PPFIA2: variants seen among roughly 807,000 people sequenced by gnomAD.
The protein encoded by PPFIA2 is PPFI scaffold protein A2.
PPFIA2 carries 46 observed loss-of-function variants against 175.5 expected under a neutral mutation model. The observed-to-expected ratio is 0.26, with a 90% CI of 0.21 to 0.34. The LOEUF is 0.34. PPFIA2 is among the 10% of genes least tolerant of loss of function. The pLI, the probability that PPFIA2 is intolerant of heterozygous loss-of-function variation, is 1.00. For synonymous variants in PPFIA2, 568 were observed against 511.4 expected, an observed-to-expected ratio of 1.11 and a Z score of -1.49; for missense variants, 1,179 against 1,506.1, an observed-to-expected ratio of 0.78 and a Z score of 3.60.
rs566444395 is a variant in PPFIA2, at chr12:81,475,226, G to A, written c.304-17360C>T. ...GTTATTTTGCCAGCTCCTTACATAGGGCCTGAAATAGAGACTGTGTATTTG... is the reference window on the plus strand; with the variant it reads ...GTTATTTTGCCAGCTCCTTACATAGAGCCTGAAATAGAGACTGTGTATTTG... On this transcript the variant is annotated intron_variant, in intron 4 of 32. Coordinates refer to ENST00000549396, the MANE Select transcript of PPFIA2 (RefSeq NM_003625.5). Among the ~76,000 whole-genome samples, 3 of 152,020 alleles carry A rather than the reference G, an allele frequency of 2.0e-5. No individual in the cohort carries two copies. The South Asian group carries it at 6.2e-4, about 32-fold the overall frequency.
intron 4 of PPFIA2, among the ~76,000 whole-genome samples, chr12:81,585,012 T>G (rs2075073126): frequency 1.3e-5 from 1 of 76,452 alleles, no homozygotes; most frequent in African/African-American, 5.0e-5. Context: ...TTAATTATAT[T>G]TATATATAAT....
At chr12:81,641,397 T>A (rs2153515527) in intron 4 of PPFIA2, among the ~76,000 whole-genome samples, 1 of 152,246 alleles carries the variant, frequency 6.6e-6, no homozygotes, top group East Asian at 1.9e-4. Context: ...GTGACCACAG[T>A]TCTTTACTGA....
At chr12:81,598,115 C>A in intron 4 of PPFIA2, 1 of 1,523,166 alleles carries the variant, frequency 6.6e-7, no homozygotes, top group Non-Finnish European at 8.8e-7. Context: ...TCCGTGCATG[C>A]ATTGAGGGAG....
chr12:81,415,819 T>C (rs565178809), intron 7 of PPFIA2, among the ~76,000 whole-genome samples: 82 of 151,386 alleles, frequency 5.4e-4, no homozygotes, highest in Non-Finnish European at 9.3e-4. Flanking sequence ...ATTTTGACAA[T>C]AGCTATACTT....
chr12:81,617,843 T>G (rs1191851736), intron 4 of PPFIA2, among the ~76,000 whole-genome samples: 1 of 152,222 alleles, frequency 6.6e-6, no homozygotes, highest in Non-Finnish European at 1.5e-5. Context: ...AATATTCTTC[T>G]GTGTAGAGTT....
chr12:81,478,328 GTCTA>G (rs776119659), intron 4 of PPFIA2, among the ~76,000 whole-genome samples: 19 of 152,046 alleles, frequency 1.2e-4, no homozygotes, highest in Non-Finnish European at 2.1e-4. Context: ...CTGGCTAGCA[GTCTA>G]TCTATTTTGT....
At chr12:81,554,270 T>C (rs188859314) in intron 4 of PPFIA2, among the ~76,000 whole-genome samples, 86 of 152,092 alleles carry the variant, frequency 5.7e-4, no homozygotes, top group African/African-American at 1.9e-3. Context: ...TTTTAGGTAC[T>C]TAATTAGTAA....
intron 22 of PPFIA2, among the ~76,000 whole-genome samples, chr12:81,323,755 C>G (rs1368474965): frequency 6.6e-6 from 1 of 151,960 alleles, no homozygotes; most frequent in Admixed American, 6.6e-5. Context: ...ATGAAGACAA[C>G]TTACTCTCTG....
intron 4 of PPFIA2, among the ~76,000 whole-genome samples, chr12:81,536,325 T>G (rs186123513): frequency 1.1e-4 from 17 of 151,782 alleles, no homozygotes; most frequent in Non-Finnish European, 1.8e-4. Context: ...CATAAATACT[T>G]AATATTACAT....
chr12:81,487,608 C>T (rs1220329608), intron 4 of PPFIA2, among the ~76,000 whole-genome samples: 3 of 151,716 alleles, frequency 2.0e-5, no homozygotes, highest in Non-Finnish European at 4.4e-5. Context: ...TCTATAGGTA[C>T]CGATATTGCC....
intron 7 of PPFIA2, among the ~76,000 whole-genome samples, chr12:81,433,184 A>C (rs1218644660): frequency 6.6e-6 from 1 of 152,078 alleles, no homozygotes; most frequent in African/African-American, 2.4e-5. Context: ...TTATCAATGC[A>C]ACATTCCTTA....
At chr12:81,566,538 A>AGG (rs2071344816) in intron 4 of PPFIA2, among the ~76,000 whole-genome samples, 1 of 151,136 alleles carries the variant, frequency 6.6e-6, no homozygotes, top group African/African-American at 2.4e-5. Flanking sequence ...CTCAAAAAAA[A>AGG]AAAAAAAAAA....
chr12:81,666,711 T>A (rs1031088157), intron 4 of PPFIA2, among the ~76,000 whole-genome samples: 1 of 152,058 alleles, frequency 6.6e-6, no homozygotes, highest in African/African-American at 2.4e-5. Context: ...TGTATACATA[T>A]GTAACTAACC....
chr12:81,336,184 T>C (rs184754394), intron 21 of PPFIA2, among the ~76,000 whole-genome samples: 16 of 152,340 alleles, frequency 1.1e-4, no homozygotes, highest in Admixed American at 4.6e-4. Flanking sequence ...CAGCTTTTTC[T>C]ATCCTACTTT....
Position 81,267,983 on chromosome 12 carries a change from T to C in PPFIA2, c.3415A>G (p.Ile1139Val). ...ILESGVHGSL[I>V]ALDENFDYSS... ...TAGTCAAAGTTTTCATCCAGGGCTA[T>C]AAGTGAGCCATGCACACCGCTCTCA... Residue 1139 changes from isoleucine to valine, a missense_variant, in exon 29 of 33, where the codon ATA becomes GTA. Physicochemically the swap from Ile to Val is conservative, Grantham distance 29 (BLOSUM62 3). Coordinates refer to ENST00000549396, the MANE Select transcript of PPFIA2 (RefSeq NM_003625.5). 1 of 1,600,028 alleles carries C rather than the reference T, an allele frequency of 6.2e-7. No homozygotes were observed. Among genetic ancestry groups the C allele is most frequent in the Non-Finnish European group, 8.5e-7 (1 of 1,172,394 alleles).
intron 28 of PPFIA2, among the ~76,000 whole-genome samples, chr12:81,274,828 G>T (rs563601619): frequency 1.3e-5 from 2 of 152,234 alleles, no homozygotes; most frequent in East Asian, 1.9e-4. Context: ...AGCTATTTAT[G>T]ATCTCATTCA....
chr12:81,705,365 A>G (rs1596570247), intron 3 of PPFIA2, among the ~76,000 whole-genome samples: 1 of 149,540 alleles, frequency 6.7e-6, no homozygotes, highest in African/African-American at 2.4e-5. Context: ...CTGAGGCAGG[A>G]GAATGGCATG....
chr12:81,535,987 C>A (rs1404978540), intron 4 of PPFIA2, among the ~76,000 whole-genome samples: 1 of 151,688 alleles, frequency 6.6e-6, no homozygotes, highest in Non-Finnish European at 1.5e-5. Context: ...TTAAATCAGG[C>A]AGGTCATAAA....
intron 29 of PPFIA2, chr12:81,267,255 C>T (rs1294273016): frequency 5.2e-6 from 3 of 575,388 alleles, no homozygotes; most frequent in African/African-American, 1.9e-5. Flanking sequence ...CATCTGAGGT[C>T]AAGAGGCTTT....
Sources: allele counts gnomAD v4.1 joint callset (sites outside exome capture counted in the v4.1 genomes callset), GRCh38; gene constraint gnomAD v4.1.1; transcripts MANE v1.5; gene names NCBI Gene and HGNC (gene_info 2026-07-23, HGNC 2026-07-21).